RHOU: variants seen among roughly 807,000 people sequenced by gnomAD.
RHOU encodes the protein rho-related GTP-binding protein RhoU.
RHOU carries 8 observed loss-of-function variants against 12.6 expected under a neutral mutation model. That is an observed-to-expected ratio of 0.64 (90% CI 0.37 to 1.15). RHOU has a LOEUF of 1.15. Among genes scored for constraint, RHOU ranks in the 50% most tolerant of loss-of-function variants. The pLI, the probability that RHOU is intolerant of heterozygous loss-of-function variation, is 0.01. For synonymous variants in RHOU, 161 were observed against 147.4 expected, an observed-to-expected ratio of 1.09 and a Z score of -0.67; for missense variants, 258 against 347.0, an observed-to-expected ratio of 0.74 and a Z score of 2.04.
the RHOU span, among the ~76,000 whole-genome samples, chr1:228,646,851 G>T: frequency 2.0e-5 from 3 of 151,994 alleles, no homozygotes; most frequent in Non-Finnish European, 4.4e-5. Flanking sequence ...TTGAAGGAGA[G>T]CAAGGAGAAG....
the RHOU span, among the ~76,000 whole-genome samples, chr1:228,701,679 T>C: frequency 6.6e-6 from 1 of 151,994 alleles, no homozygotes; most frequent in Non-Finnish European, 1.5e-5. Flanking sequence ...TTTTTCTTCC[T>C]GACTTTTAAT....
chr1:228,687,966 C>T, the RHOU span: 4 of 615,476 alleles, frequency 6.5e-6, no homozygotes, highest in African/African-American at 7.4e-5. Flanking sequence ...TTCTGTCCTT[C>T]CTCCCTCCCT....
At chr1:228,716,747 CAT>C in the RHOU span, among the ~76,000 whole-genome samples, 3 of 151,242 alleles carry the variant, frequency 2.0e-5, no homozygotes, top group South Asian at 2.1e-4. Context: ...TATACACACA[CAT>C]GTGTGTGTAT....
chr1:228,655,263 CCAG>C, the RHOU span, among the ~76,000 whole-genome samples: 1 of 151,944 alleles, frequency 6.6e-6, no homozygotes, highest in African/African-American at 2.4e-5. Flanking sequence ...ACCACCATAC[CCAG>C]CTAATTTTTG....
chr1:228,685,170 T>C, the RHOU span, among the ~76,000 whole-genome samples: 2 of 152,218 alleles, frequency 1.3e-5, no homozygotes, highest in Non-Finnish European at 2.9e-5. Flanking sequence ...CTCATTGCCA[T>C]CTTGGTATTG....
chr1:228,690,687 G>A, the RHOU span, among the ~76,000 whole-genome samples: 23 of 151,624 alleles, frequency 1.5e-4, no homozygotes, highest in African/African-American at 3.6e-4. Flanking sequence ...GCGTGATCTC[G>A]GCTCACTGAA....
the RHOU span, among the ~76,000 whole-genome samples, chr1:228,702,999 G>A: frequency 6.6e-6 from 1 of 152,152 alleles, no homozygotes. Flanking sequence ...ATTCTCAAAA[G>A]CACAGAGCTG....
the RHOU span, among the ~76,000 whole-genome samples, chr1:228,684,061 G>T: frequency 6.6e-6 from 1 of 152,128 alleles, no homozygotes; most frequent in African/African-American, 2.4e-5. Context: ...TTTTTGAGAC[G>T]GAGTCTTGCT....
chr1:228,735,683 G>T lies in RHOU; in HGVS notation c.-60G>T. 3 of 1,172,304 alleles carry T rather than the reference G, an allele frequency of 2.6e-6. No individual in the cohort carries two copies. The highest frequency in any genetic ancestry group is 3.2e-5 in the African/African-American group (2 of 62,110). The allele number at this position is 1,172,304 out of a possible 1,614,324, so 72.6% of individuals were successfully genotyped here. A position where few individuals can be genotyped will look rare whatever the true frequency, so the allele number is the denominator to read the frequency against. ...CCTCCCTACCGCAACCCTCCGGGGCGGAGGGGCGGTCGGGCCGGGCCCTGC... is the reference window on the plus strand; with the variant it reads ...CCTCCCTACCGCAACCCTCCGGGGCTGAGGGGCGGTCGGGCCGGGCCCTGC... On this transcript the variant is annotated 5_prime_UTR_variant, in exon 1 of 3. Transcript: ENST00000366691. The surrounding 1 kb of genome is among the most constrained non-coding windows in gnomAD (Gnocchi z 8.1).
At chr1:228,699,180 C>T in the RHOU span, among the ~76,000 whole-genome samples, 1 of 151,432 alleles carries the variant, frequency 6.6e-6, no homozygotes, top group African/African-American at 2.4e-5. Flanking sequence ...CACCTGTAAC[C>T]TCAGCACTTT....
At chr1:228,720,281 T>C in the RHOU span, among the ~76,000 whole-genome samples, 1 of 152,322 alleles carries the variant, frequency 6.6e-6, no homozygotes, top group Non-Finnish European at 1.5e-5. Flanking sequence ...TATCATGTAA[T>C]TTTCCATACA....
the RHOU span, among the ~76,000 whole-genome samples, chr1:228,721,304 T>C: frequency 6.6e-6 from 1 of 152,142 alleles, no homozygotes; most frequent in South Asian, 2.1e-4. Context: ...TCGCAAAAAA[T>C]AAAAATAAAA....
chr1:228,659,042 A>G, the RHOU span, among the ~76,000 whole-genome samples: 1 of 152,152 alleles, frequency 6.6e-6, no homozygotes, highest in East Asian at 1.9e-4. Flanking sequence ...AAGCAGTGCT[A>G]ACAGGGAAAT....
At chr1:228,646,717 C>T in the RHOU span, among the ~76,000 whole-genome samples, 64 of 151,536 alleles carry the variant, frequency 4.2e-4, no homozygotes, top group East Asian at 0.012. Flanking sequence ...CCACCGCCAC[C>T]AGGAGCAAAT....
chr1:228,648,584 C>T, the RHOU span, among the ~76,000 whole-genome samples: 2 of 151,154 alleles, frequency 1.3e-5, no homozygotes, highest in Non-Finnish European at 2.9e-5. Context: ...AAAATTTCAA[C>T]CATGTTCTGA....
chr1:228,724,910 T>G, the RHOU span, among the ~76,000 whole-genome samples: 15 of 152,236 alleles, frequency 9.9e-5, no homozygotes, highest in Non-Finnish European at 2.2e-4. Context: ...AGACACCCAC[T>G]GATACACAGA....
the RHOU span, among the ~76,000 whole-genome samples, chr1:228,726,664 C>CAAA: frequency 2.0e-5 from 2 of 102,178 alleles, no homozygotes; most frequent in African/African-American, 7.1e-5. Context: ...GACTCCATCT[C>CAAA]AAAAAAAAAA....
At chr1:228,715,527 C>G in the RHOU span, among the ~76,000 whole-genome samples, 1 of 151,972 alleles carries the variant, frequency 6.6e-6, no homozygotes, top group Non-Finnish European at 1.5e-5. Context: ...AATATTTATA[C>G]TTTATGGAAC....
At chr1:228,688,154 T>A in the RHOU span, among the ~76,000 whole-genome samples, 4 of 152,186 alleles carry the variant, frequency 2.6e-5, no homozygotes, top group Non-Finnish European at 5.9e-5. Flanking sequence ...ACATGCTCCA[T>A]GAAGATGAGC....
Sources: allele counts gnomAD v4.1 joint callset (sites outside exome capture counted in the v4.1 genomes callset), GRCh38; gene constraint gnomAD v4.1.1; non-coding constraint Gnocchi (gnomAD v3.1); transcripts MANE v1.5; gene names NCBI Gene and HGNC (gene_info 2026-07-23, HGNC 2026-07-21).